STRN: variants seen among roughly 807,000 people sequenced by gnomAD.
STRN encodes protein phosphatase 2 regulatory subunit B'''alpha.
In STRN, 53 loss-of-function variants were observed where a neutral mutation model predicts 96.3. That is an observed-to-expected ratio of 0.55 (90% CI 0.44 to 0.69). The LOEUF is 0.69. Ranked by LOEUF, STRN falls within the 30% of genes least tolerant of loss-of-function variation. The probability of loss-of-function intolerance (pLI) is 0.00; values close to 1 mark genes in which losing one functional copy is unlikely to be tolerated. For synonymous variants in STRN, 428 were observed against 355.9 expected (o/e 1.20, Z -2.28); for missense variants, 987 against 963.9 (o/e 1.02, Z -0.32).
intron 1 of STRN, among the ~76,000 whole-genome samples, chr2:36,943,035 T>G (rs1444426064): frequency 6.6e-6 from 1 of 152,120 alleles, no homozygotes; most frequent in African/African-American, 2.4e-5. Context: ...ATTGCTTTAA[T>G]GTATGCTTCT....
chr2:36,966,055 G>C (rs532037872), intron 1 of STRN, among the ~76,000 whole-genome samples, 175 bp downstream of exon 1: 1 of 151,684 alleles, frequency 6.6e-6, no homozygotes, highest in Non-Finnish European at 1.5e-5. Flanking sequence ...GGTCGAGGTG[G>C]GGTCAGCGAA....
At chr2:36,884,525 C>T (rs997903386) in intron 8 of STRN, among the ~76,000 whole-genome samples, 1 of 152,148 alleles carries the variant, frequency 6.6e-6, no homozygotes, top group African/African-American at 2.4e-5. Flanking sequence ...CTTACCTAAA[C>T]TTTGATTCTT....
intron 12 of STRN, among the ~76,000 whole-genome samples, chr2:36,865,562 G>A (rs1013441177): frequency 6.6e-5 from 10 of 151,774 alleles, no homozygotes; most frequent in African/African-American, 2.4e-4. Context: ...TTGTTAATTT[G>A]AGATCTAACT....
chr2:36,921,927 T>C (rs924191635), intron 2 of STRN, among the ~76,000 whole-genome samples: 2 of 152,034 alleles, frequency 1.3e-5, no homozygotes, highest in African/African-American at 2.4e-5. Flanking sequence ...GAAAAAAAAA[T>C]GCTATAAAGA....
At chr2:36,877,763 T>G in intron 10 of STRN, 128 bp downstream of exon 10, 1 of 991,896 alleles carries the variant, frequency 1.0e-6, no homozygotes, top group South Asian at 1.7e-5. Flanking sequence ...TTTGAACTCC[T>G]GACCTCAAGT....
chr2:36,913,869 G>C (rs1211448968), intron 3 of STRN, among the ~76,000 whole-genome samples: 1 of 152,190 alleles, frequency 6.6e-6, no homozygotes, highest in Non-Finnish European at 1.5e-5. Context: ...AGTAACCATA[G>C]AGAAATTAAG....
At chr2:36,895,269 G>C (rs1669508747) in intron 6 of STRN, among the ~76,000 whole-genome samples, 1 of 151,772 alleles carries the variant, frequency 6.6e-6, no homozygotes, top group Admixed American at 6.6e-5. Flanking sequence ...AGAGCTTGCA[G>C]TGAGCCAAGA....
intron 12 of STRN, chr2:36,867,527 G>C (rs368035716): frequency 4.5e-6 from 1 of 223,534 alleles, no homozygotes; most frequent in Non-Finnish European, 8.6e-6. Flanking sequence ...AATTATATGA[G>C]GAAAAAAAGC....
intron 3 of STRN, among the ~76,000 whole-genome samples, chr2:36,915,617 A>G (rs112858788): frequency 2.0e-5 from 3 of 152,340 alleles, no homozygotes; most frequent in African/African-American, 7.2e-5. Context: ...AAGAAAGACC[A>G]AAACAGTTTT....
chr2:36,903,418 T>C (rs1368227441), intron 4 of STRN, among the ~76,000 whole-genome samples: 1 of 152,180 alleles, frequency 6.6e-6, no homozygotes, highest in East Asian at 1.9e-4. Context: ...TGAACCTCAG[T>C]TTTCTATCCT....
chr2:36,903,123 T>A (rs1669733538), intron 4 of STRN, among the ~76,000 whole-genome samples: 1 of 152,242 alleles, frequency 6.6e-6, no homozygotes, highest in Non-Finnish European at 1.5e-5. Context: ...TTGTCATGGA[T>A]CAACTGTTTG....
intron 7 of STRN, among the ~76,000 whole-genome samples, chr2:36,892,012 A>G (rs1246463710): frequency 2.0e-5 from 3 of 152,230 alleles, no homozygotes; most frequent in Non-Finnish European, 4.4e-5. Flanking sequence ...TGTGTAACTA[A>G]AAACGTAAAA....
chr2:36,885,101 G>A (rs1418148410), intron 8 of STRN, among the ~76,000 whole-genome samples: 2 of 151,910 alleles, frequency 1.3e-5, no homozygotes, highest in Admixed American at 6.6e-5. Context: ...TTAATCCCCC[G>A]ATTTAAGAAA....
intron 1 of STRN, among the ~76,000 whole-genome samples, chr2:36,964,159 G>A (rs1214636889): frequency 1.5e-5 from 2 of 131,522 alleles, no homozygotes; most frequent in South Asian, 2.7e-4. Flanking sequence ...AAGTTTAAAC[G>A]AGGAGAGGGA....
chr2:36,853,144 G>A (rs994616125), intron 15 of STRN, among the ~76,000 whole-genome samples: 1 of 134,084 alleles, frequency 7.5e-6, no homozygotes, highest in Non-Finnish European at 1.6e-5. Context: ...GCAACAGAGC[G>A]AGACTCTGTC....
At chr2:36,886,599 G>C (rs1669233827) in intron 8 of STRN, 117 bp downstream of exon 8, 1 of 728,268 alleles carries the variant, frequency 1.4e-6, no homozygotes, top group Non-Finnish European at 2.2e-6. Flanking sequence ...GAAAAGGAAA[G>C]AGGTCAGGAG....
chr2:36,855,273 T>G lies in STRN; in HGVS notation c.1917A>C (p.Thr639=), dbSNP rs1363723161. Residue 639 remains threonine (T), a synonymous_variant, in exon 15 of 18, where the codon ACA becomes ACC. Coordinates refer to ENST00000263918, the MANE Select transcript of STRN (RefSeq NM_003162.4). ...HMVASFSKGY[T]SIFNMETQQR... ...GTTGTGTTTCCATGTTAAAAATGCT[T>G]GTATATCCCTTGCTGAATGATGCTA... The G allele has an allele frequency of 6.2e-7, 1 of 1,613,814 alleles. No homozygotes were observed. Among genetic ancestry groups the G allele is most frequent in the African/African-American group, 1.3e-5 (1 of 74,916 alleles).
intron 1 of STRN, among the ~76,000 whole-genome samples, chr2:36,938,822 G>C (rs1292034818): frequency 6.6e-6 from 1 of 151,980 alleles, no homozygotes; most frequent in Non-Finnish European, 1.5e-5. Flanking sequence ...CATAATATAT[G>C]TCTGCTGAAT....
chr2:36,942,379 T>C (rs1670867076), intron 1 of STRN, among the ~76,000 whole-genome samples: 1 of 152,274 alleles, frequency 6.6e-6, no homozygotes, highest in African/African-American at 2.4e-5. Flanking sequence ...TCACCTCTAC[T>C]TGTTAAGTCA....
Sources: gnomAD v4.1 joint callset for allele counts (sites outside exome capture counted in the v4.1 genomes callset) on GRCh38, gnomAD v4.1.1 for gene constraint, MANE v1.5 for transcripts, NCBI Gene and HGNC (gene_info 2026-07-23, HGNC 2026-07-21) for gene names.